The following CSTPP1 variants were observed in gnomAD, a reference collection of about 807,000 sequenced individuals.
CSTPP1 encodes centriolar satellite-associated tubulin polyglutamylase complex regulator 1, also known as UPF0705 protein C11orf49.
the CSTPP1 span, among the ~76,000 whole-genome samples, chr11:46,977,442 T>G: frequency 6.6e-6 from 1 of 152,226 alleles, no homozygotes; most frequent in Non-Finnish European, 1.5e-5. Context: ...AACCTCCCAT[T>G]TAGAGACCTA....
chr11:47,142,026 C>T, the CSTPP1 span, among the ~76,000 whole-genome samples: 3 of 150,232 alleles, frequency 2.0e-5, no homozygotes, highest in Non-Finnish European at 3.0e-5. Context: ...GGGTGGATCA[C>T]GAGGTCAAGA....
At chr11:47,052,272 T>C in the CSTPP1 span, 19 of 1,313,966 alleles carry the variant, frequency 1.4e-5, no homozygotes, top group Admixed American at 6.8e-5. Context: ...CAGAGTTTTG[T>C]TGGGGAGAAA....
chr11:47,111,568 C>G, the CSTPP1 span, among the ~76,000 whole-genome samples: 1 of 152,170 alleles, frequency 6.6e-6, no homozygotes, highest in Non-Finnish European at 1.5e-5. Context: ...CTCCACACCC[C>G]ACTCCTTCCC....
chr11:47,157,274 GC>G, the CSTPP1 span: 1 of 1,505,280 alleles, frequency 6.6e-7, no homozygotes, highest in South Asian at 1.3e-5. Flanking sequence ...CGGACTGCTG[GC>G]TGCGGAACAG....
At chr11:47,161,711 CCT>C in the CSTPP1 span, 80 of 1,525,948 alleles carry the variant, frequency 5.2e-5, no homozygotes, top group Non-Finnish European at 7.0e-5. Flanking sequence ...CACCCAGCCT[CCT>C]CTCCAGCACC....
At chr11:47,043,801 G>A in the CSTPP1 span, among the ~76,000 whole-genome samples, 4 of 152,076 alleles carry the variant, frequency 2.6e-5, no homozygotes, top group Non-Finnish European at 5.9e-5. Context: ...AGACCAGCCT[G>A]GGCAACATGG....
chr11:47,135,093 G>A, the CSTPP1 span, among the ~76,000 whole-genome samples: 3 of 151,730 alleles, frequency 2.0e-5, no homozygotes, highest in Non-Finnish European at 2.9e-5. Context: ...ACAGAGTGAG[G>A]CCCCCATCTC....
At chr11:46,994,614 C>T in the CSTPP1 span, among the ~76,000 whole-genome samples, 1 of 152,130 alleles carries the variant, frequency 6.6e-6, no homozygotes, top group Admixed American at 6.5e-5. Context: ...TCTTGCATCC[C>T]AGGGATGAAG....
the CSTPP1 span, among the ~76,000 whole-genome samples, chr11:47,150,181 G>A: frequency 6.6e-6 from 1 of 152,094 alleles, no homozygotes; most frequent in African/African-American, 2.4e-5. Context: ...CAGACCTGAA[G>A]GTAGTAGTAT....
At chr11:47,104,070 C>A in the CSTPP1 span, among the ~76,000 whole-genome samples, 1 of 152,190 alleles carries the variant, frequency 6.6e-6, no homozygotes, top group African/African-American at 2.4e-5. Context: ...GAAAGAGAAT[C>A]AGAGATTATT....
the CSTPP1 span, among the ~76,000 whole-genome samples, chr11:47,012,703 GC>G: frequency 6.6e-6 from 1 of 151,988 alleles, no homozygotes; most frequent in African/African-American, 2.4e-5. Context: ...CACGATGGGA[GC>G]CCTTTCTTTA....
the CSTPP1 span, among the ~76,000 whole-genome samples, chr11:47,060,745 A>G: frequency 1.3e-5 from 2 of 152,256 alleles, no homozygotes; most frequent in Admixed American, 1.3e-4. Flanking sequence ...AATCGCCACT[A>G]AAGAACCTAC....
chr11:47,013,891 C>A, the CSTPP1 span, among the ~76,000 whole-genome samples: 1 of 152,150 alleles, frequency 6.6e-6, no homozygotes, highest in African/African-American at 2.4e-5. Context: ...CACAGCCTTG[C>A]CAGCATCTGT....
chr11:47,064,955 G>C, the CSTPP1 span, among the ~76,000 whole-genome samples: 1 of 152,102 alleles, frequency 6.6e-6, no homozygotes, highest in Middle Eastern at 3.2e-3. Context: ...TTTTGGTCAG[G>C]CTAGTCTTGA....
At chr11:47,013,887 C>T in the CSTPP1 span, among the ~76,000 whole-genome samples, 12 of 152,146 alleles carry the variant, frequency 7.9e-5, no homozygotes, top group African/African-American at 2.7e-4. Context: ...TCTTCACAGC[C>T]TTGCCAGCAT....
chr11:47,113,679 C>T, the CSTPP1 span, among the ~76,000 whole-genome samples: 1 of 152,102 alleles, frequency 6.6e-6, no homozygotes, highest in African/African-American at 2.4e-5. Flanking sequence ...TATCCTTTGC[C>T]CACTTTTTGA....
At chr11:46,965,328 G>A in the CSTPP1 span, among the ~76,000 whole-genome samples, 4 of 149,658 alleles carry the variant, frequency 2.7e-5, no homozygotes, top group South Asian at 8.5e-4. Flanking sequence ...GGGTTCAAGC[G>A]ATTCTTCTTC....
At chr11:47,092,086 T>G in the CSTPP1 span, among the ~76,000 whole-genome samples, 154 of 152,342 alleles carry the variant, frequency 1.0e-3, no homozygotes, top group African/African-American at 3.6e-3. Flanking sequence ...CCTTGTATTT[T>G]TCCTACATTT....
the CSTPP1 span, among the ~76,000 whole-genome samples, chr11:47,142,860 C>T: frequency 6.6e-6 from 1 of 152,126 alleles, no homozygotes; most frequent in African/African-American, 2.4e-5. Context: ...AATGGTATTC[C>T]TCTATTTGCG....
Sources: allele counts gnomAD v4.1 joint callset (sites outside exome capture counted in the v4.1 genomes callset), GRCh38; gene constraint gnomAD v4.1.1; transcripts MANE v1.5; gene names NCBI Gene and HGNC (gene_info 2026-07-23, HGNC 2026-07-21).